Variants in NRG1 observed in about 807,000 individuals in gnomAD.
The protein encoded by NRG1 is neuregulin 1.
In NRG1, 18 loss-of-function variants were observed where a neutral mutation model predicts 63.8. The ratio of observed to expected loss-of-function variants is 0.28; its 90% CI spans 0.19 to 0.42. The LOEUF is 0.42. Among genes scored for constraint, NRG1 ranks in the 10% least tolerant of loss-of-function variants. The pLI is 1.00. For synonymous variants in NRG1, 302 were observed against 301.3 expected, an observed-to-expected ratio of 1.00 and a Z score of -0.02; for missense variants, 762 against 814.7, an observed-to-expected ratio of 0.94 and a Z score of 0.79.
At chr8:31,769,999 C>T (rs1818455676) in intron 1 of NRG1, among the ~76,000 whole-genome samples, 1 of 152,050 alleles carries the variant, frequency 6.6e-6, no homozygotes, top group African/African-American at 2.4e-5. Flanking sequence ...GAGAATACTC[C>T]AGGAAATAGG....
At chr8:32,022,980 A>G (rs1816692015) in intron 1 of NRG1, among the ~76,000 whole-genome samples, 1 of 152,200 alleles carries the variant, frequency 6.6e-6, no homozygotes, top group African/African-American at 2.4e-5. Flanking sequence ...ATTATCATAT[A>G]TTTGTACCAT....
In NRG1 at chr8:31,976,864, T is replaced by C. The variant is rs571744140; in HGVS notation, c.37+337433T>C. Among the ~76,000 whole-genome samples, 6 of 152,292 alleles carry C rather than the reference T, an allele frequency of 3.9e-5. No homozygotes were observed. The East Asian group carries it at 9.7e-4, about 25-fold the overall frequency. ...CTACAGAAAAATTACTGGAAATATATATCAATGAAAACGTATAAATGAAAT... is the reference window on the plus strand; with the variant it reads ...CTACAGAAAAATTACTGGAAATATACATCAATGAAAACGTATAAATGAAAT... On this transcript the variant is annotated intron_variant, in intron 1 of 10. Coordinates refer to the NRG1 transcript ENST00000519301.
At chr8:31,643,902 C>A (rs1429214546) in intron 1 of NRG1, among the ~76,000 whole-genome samples, 1 of 152,162 alleles carries the variant, frequency 6.6e-6, no homozygotes, top group Non-Finnish European at 1.5e-5. Context: ...CAGATTTGTA[C>A]ATCAATTCTG....
chr8:32,278,458 A>G (rs886218226), intron 1 of NRG1, among the ~76,000 whole-genome samples: 3 of 152,316 alleles, frequency 2.0e-5, no homozygotes, highest in Non-Finnish European at 4.4e-5. Flanking sequence ...TCCCCTGCCC[A>G]TTCACACTTT....
intron 1 of NRG1, among the ~76,000 whole-genome samples, chr8:32,205,419 A>C (rs1204861764): frequency 1.3e-5 from 2 of 152,176 alleles, no homozygotes; most frequent in Non-Finnish European, 2.9e-5. Flanking sequence ...TGATAATGAC[A>C]AAACGTTTCA....
chr8:31,829,224 G>C (rs1049465360), intron 1 of NRG1, among the ~76,000 whole-genome samples: 1 of 152,202 alleles, frequency 6.6e-6, no homozygotes, highest in African/African-American at 2.4e-5. Context: ...TCATGTAGAT[G>C]TTTTAAATTT....
intron 1 of NRG1, among the ~76,000 whole-genome samples, chr8:31,909,374 G>A (rs1172202351): frequency 6.6e-6 from 1 of 152,036 alleles, no homozygotes; most frequent in African/African-American, 2.4e-5. Flanking sequence ...CTGCTGGCTG[G>A]TAGGCAGCAG....
At chr8:32,648,174 G>A in intron 5 of NRG1, 1 of 1,614,102 alleles carries the variant, frequency 6.2e-7, no homozygotes, top group South Asian at 1.1e-5. Context: ...TGAAAGTGAG[G>A]TTCAAGTTAC....
intron 1 of NRG1, among the ~76,000 whole-genome samples, chr8:32,491,786 T>C (rs1826599767): frequency 6.6e-6 from 1 of 152,184 alleles, no homozygotes; most frequent in South Asian, 2.1e-4. Flanking sequence ...GATAGCACCT[T>C]CCTGAACTTG....
chr8:31,693,414 G>A (rs1246850452), intron 1 of NRG1, among the ~76,000 whole-genome samples: 1 of 152,096 alleles, frequency 6.6e-6, no homozygotes, highest in African/African-American at 2.4e-5. Context: ...TTTACAACAA[G>A]GGGACAGAAG....
chr8:31,988,742 C>T (rs1439534232), intron 1 of NRG1, among the ~76,000 whole-genome samples: 1 of 152,020 alleles, frequency 6.6e-6, no homozygotes, highest in Non-Finnish European at 1.5e-5. Context: ...TGAATTGCTG[C>T]ATATCACAAA....
chr8:32,681,311 G>A (rs550816745), intron 5 of NRG1, among the ~76,000 whole-genome samples: 109 of 152,198 alleles, frequency 7.2e-4, no homozygotes, highest in African/African-American at 2.4e-3. Context: ...CAAAGCAAAA[G>A]GTTCTTTACG....
chr8:31,723,909 A>G (rs1304323097), intron 1 of NRG1, among the ~76,000 whole-genome samples: 1 of 152,118 alleles, frequency 6.6e-6, no homozygotes, highest in Admixed American at 6.6e-5. Context: ...ATAGTGGAGA[A>G]AACAGAGAAG....
At chr8:32,457,302 G>A (rs16879430) in intron 1 of NRG1, among the ~76,000 whole-genome samples, 47,225 of 151,966 alleles carry the variant, frequency 0.31, 7,577 homozygotes, top group South Asian at 0.35. Flanking sequence ...ACAGTAAGCA[G>A]AACACATGAT....
chr8:32,447,056 C>T (rs561581568), intron 1 of NRG1, among the ~76,000 whole-genome samples: 54 of 148,972 alleles, frequency 3.6e-4, no homozygotes, highest in African/African-American at 1.2e-3. Flanking sequence ...CACTATTGTG[C>T]GGGCTGGAGT....
intron 5 of NRG1, among the ~76,000 whole-genome samples, chr8:32,708,803 G>A (rs1817074261): frequency 6.6e-6 from 1 of 151,982 alleles, no homozygotes; most frequent in South Asian, 2.1e-4. Context: ...TTAACATGAG[G>A]GTTCCTGCTC....
intron 1 of NRG1, among the ~76,000 whole-genome samples, chr8:31,724,336 A>T (rs1404777944): frequency 6.6e-6 from 1 of 152,128 alleles, no homozygotes; most frequent in Non-Finnish European, 1.5e-5. Context: ...CCCTGTCAGA[A>T]TCATCTACTG....
At chr8:32,209,607 G>A (rs953335736) in intron 1 of NRG1, among the ~76,000 whole-genome samples, 1 of 152,166 alleles carries the variant, frequency 6.6e-6, no homozygotes, top group Non-Finnish European at 1.5e-5. Flanking sequence ...TCTACTAAAA[G>A]AGGGTTCTTC....
chr8:32,578,357 G>A (rs1840038216), intron 1 of NRG1, among the ~76,000 whole-genome samples: 1 of 152,228 alleles, frequency 6.6e-6, no homozygotes, highest in East Asian at 1.9e-4. Context: ...ATCACAAAAA[G>A]CCAGTCCTTT....
Sources: gnomAD v4.1 joint callset for allele counts (sites outside exome capture counted in the v4.1 genomes callset) on GRCh38, gnomAD v4.1.1 for gene constraint, MANE v1.5 for transcripts, NCBI Gene and HGNC (gene_info 2026-07-23, HGNC 2026-07-21) for gene names.